PLXDC2: variants seen among roughly 807,000 people sequenced by gnomAD.
The protein encoded by PLXDC2 is plexin domain containing 2.
PLXDC2 carries 40 observed loss-of-function variants against 68.9 expected under a neutral mutation model. The ratio of observed to expected loss-of-function variants is 0.58; its 90% CI spans 0.45 to 0.76. PLXDC2 has a LOEUF of 0.76. PLXDC2 is among the 30% of genes least tolerant of loss of function. The pLI, the probability that PLXDC2 is intolerant of heterozygous loss-of-function variation, is 0.00. For missense variants in PLXDC2, 644 were observed against 661.9 expected (o/e 0.97, Z 0.30); for synonymous variants, 243 against 234.2 (o/e 1.04, Z -0.34).
intron 1 of PLXDC2, among the ~76,000 whole-genome samples, chr10:19,897,499 C>T (rs891367355): frequency 6.6e-6 from 1 of 152,174 alleles, no homozygotes; most frequent in Non-Finnish European, 1.5e-5. Flanking sequence ...CCTGCCTCGG[C>T]CTCCCAAAGT....
At chr10:20,166,676 A>G (rs1479200993) in intron 7 of PLXDC2, among the ~76,000 whole-genome samples, 2 of 152,140 alleles carry the variant, frequency 1.3e-5, no homozygotes, top group Admixed American at 6.6e-5. Context: ...CTTTTAGTCC[A>G]TATTGTTGTT....
At chr10:20,257,997 CTTTTTTTT>C (rs550997528) in intron 13 of PLXDC2, among the ~76,000 whole-genome samples, 12 of 84,326 alleles carry the variant, frequency 1.4e-4, no homozygotes, top group African/African-American at 4.9e-4. Flanking sequence ...TTTTTTCTTT[CTTTTTTTT>C]TTTTTTTTTT....
intron 1 of PLXDC2, among the ~76,000 whole-genome samples, chr10:19,836,349 G>C (rs914289): frequency 0.62 from 94,669 of 151,902 alleles, 30,162 homozygotes; most frequent in African/African-American, 0.74. Context: ...ATCTATACTA[G>C]CAATACAGGA....
intron 13 of PLXDC2, among the ~76,000 whole-genome samples, chr10:20,260,770 A>G (rs534786038): frequency 2.0e-5 from 3 of 152,260 alleles, no homozygotes; most frequent in Admixed American, 6.5e-5. Flanking sequence ...AGTAAACTTC[A>G]TACGTTTTCC....
intron 4 of PLXDC2, among the ~76,000 whole-genome samples, chr10:20,113,052 G>T (rs554154179): frequency 1.2e-4 from 18 of 152,302 alleles, no homozygotes; most frequent in African/African-American, 3.8e-4. Flanking sequence ...TAGTTTAGCA[G>T]GTAGTCCCTC....
chr10:19,887,221 A>G (rs750914841), intron 1 of PLXDC2, among the ~76,000 whole-genome samples: 48 of 152,150 alleles, frequency 3.2e-4, no homozygotes, highest in Admixed American at 9.2e-4. Context: ...GAAGCTAGTG[A>G]CTGAAACTTG....
At chr10:19,907,450 T>C (rs1289022770) in intron 1 of PLXDC2, among the ~76,000 whole-genome samples, 1 of 152,122 alleles carries the variant, frequency 6.6e-6, no homozygotes, top group Non-Finnish European at 1.5e-5. Context: ...AGGATAGTGT[T>C]CTGGGATCAA....
At chr10:20,006,291 G>A (rs1835027905) in intron 2 of PLXDC2, among the ~76,000 whole-genome samples, 1 of 152,168 alleles carries the variant, frequency 6.6e-6, no homozygotes, top group African/African-American at 2.4e-5. Context: ...TGGTTATAAA[G>A]TGAATACTCT....
intron 9 of PLXDC2, among the ~76,000 whole-genome samples, chr10:20,179,626 C>G (rs1834575019): frequency 6.6e-6 from 1 of 152,056 alleles, no homozygotes; most frequent in Admixed American, 6.6e-5. Context: ...CTGCTTACCA[C>G]TGACCATTTC....
intron 9 of PLXDC2, among the ~76,000 whole-genome samples, chr10:20,180,874 A>C (rs1299047298): frequency 6.6e-6 from 1 of 152,008 alleles, no homozygotes; most frequent in Non-Finnish European, 1.5e-5. Context: ...CTCATTGCAG[A>C]CTGAGAATAC....
At chr10:19,817,406 G>A (rs1237544157) in intron 1 of PLXDC2, among the ~76,000 whole-genome samples, 2 of 152,160 alleles carry the variant, frequency 1.3e-5, no homozygotes, top group Non-Finnish European at 2.9e-5. Flanking sequence ...AGGCTTTCGG[G>A]CTTACTTCAC....
At chr10:20,158,081 T>C (rs1834240343) in intron 6 of PLXDC2, among the ~76,000 whole-genome samples, 2 of 152,020 alleles carry the variant, frequency 1.3e-5, no homozygotes, top group African/African-American at 2.4e-5. Context: ...AAAAAACTTC[T>C]GTAGTTTAGA....
At chr10:20,021,724 G>C (rs1342100193) in intron 2 of PLXDC2, among the ~76,000 whole-genome samples, 1 of 139,970 alleles carries the variant, frequency 7.1e-6, no homozygotes, top group Non-Finnish European at 1.7e-5. Flanking sequence ...TTTTGAGATG[G>C]AGTCTCACTC....
At chr10:19,934,925 A>G (rs901316659) in intron 1 of PLXDC2, among the ~76,000 whole-genome samples, 1 of 152,174 alleles carries the variant, frequency 6.6e-6, no homozygotes, top group African/African-American at 2.4e-5. Context: ...AATATCTCTC[A>G]TGTATCTCAG....
chr10:20,277,338 T>C (rs1267543432), intron 13 of PLXDC2, among the ~76,000 whole-genome samples: 1 of 151,322 alleles, frequency 6.6e-6, no homozygotes, highest in African/African-American at 2.4e-5. Context: ...CCCTTAAATA[T>C]AGGAATTCTA....
chr10:19,991,687 A>T (rs1834753462), intron 1 of PLXDC2, among the ~76,000 whole-genome samples: 1 of 152,200 alleles, frequency 6.6e-6, no homozygotes, highest in East Asian at 1.9e-4. Flanking sequence ...ATATAAAGTT[A>T]TGACAATGTG....
At chr10:19,979,298 T>TA (rs1196626957) in intron 1 of PLXDC2, among the ~76,000 whole-genome samples, 1 of 152,154 alleles carries the variant, frequency 6.6e-6, no homozygotes, top group Non-Finnish European at 1.5e-5. Flanking sequence ...CAATATTCAA[T>TA]AAATAGTTTC....
chr10:19,943,501 G>T (rs1469286947), intron 1 of PLXDC2, among the ~76,000 whole-genome samples: 1 of 152,146 alleles, frequency 6.6e-6, no homozygotes, highest in African/African-American at 2.4e-5. Context: ...ATCCCATAAA[G>T]TGCTTTAGCA....
At chr10:20,115,214 A>G (rs1833606544) in intron 4 of PLXDC2, among the ~76,000 whole-genome samples, 1 of 152,152 alleles carries the variant, frequency 6.6e-6, no homozygotes, top group African/African-American at 2.4e-5. Context: ...GTCTTTAGAA[A>G]CCTTCAGCAT....
Sources: allele counts gnomAD v4.1 joint callset (sites outside exome capture counted in the v4.1 genomes callset), GRCh38; gene constraint gnomAD v4.1.1; transcripts MANE v1.5; gene names NCBI Gene and HGNC (gene_info 2026-07-23, HGNC 2026-07-21).